The following BRWD1 variants were observed in gnomAD, a reference collection of about 807,000 sequenced individuals.
BRWD1 encodes the protein bromodomain and WD repeat-containing protein 1.
A neutral mutation model predicts 251.2 loss-of-function variants in BRWD1; 82 were observed. The observed-to-expected ratio is 0.33, with a 90% CI of 0.27 to 0.39. The LOEUF (loss-of-function observed/expected upper bound fraction) is 0.39, where lower values mean the gene tolerates loss of function less well. BRWD1 is among the 10% of genes least tolerant of loss of function. BRWD1 has a pLI of 1.00. For missense variants in BRWD1, 2,233 were observed against 2,711.6 expected (o/e 0.82, Z 3.92); for synonymous variants, 918 against 902.8 (o/e 1.02, Z -0.30).
intron 34 of BRWD1, 47 bp from the exon 35 acceptor site, chr21:39,210,976 A>C (rs770527928): frequency 2.6e-6 from 4 of 1,551,672 alleles, no homozygotes; most frequent in Middle Eastern, 1.8e-4. Flanking sequence ...TATTGGTGTA[A>C]GACTGTGGTA....
intron 4 of BRWD1, among the ~76,000 whole-genome samples, chr21:39,306,072 C>CTTT (rs1294724280): frequency 9.5e-5 from 13 of 136,446 alleles, no homozygotes; most frequent in African/African-American, 3.0e-4. Context: ...CTTTAAGTAT[C>CTTT]TTTTTTTTTT....
chr21:39,263,239 C>T (rs2034813122), intron 17 of BRWD1, among the ~76,000 whole-genome samples: 1 of 152,154 alleles, frequency 6.6e-6, no homozygotes, highest in African/African-American at 2.4e-5. Flanking sequence ...TAGGTTTTTA[C>T]TTTATATATA....
chr21:39,253,125 A>G (rs1288922733), intron 19 of BRWD1, among the ~76,000 whole-genome samples: 3 of 152,002 alleles, frequency 2.0e-5, no homozygotes, highest in Non-Finnish European at 2.9e-5. Context: ...CCCCATCTCT[A>G]CTGAAAATAC....
Position 39,187,736 on chromosome 21 carries a change from T to C in BRWD1, c.*8523A>G. 1 of 984,836 alleles carries C rather than the reference T, an allele frequency of 1.0e-6. No homozygotes were observed. Among genetic ancestry groups the C allele is most frequent in the Non-Finnish European group, 1.2e-6 (1 of 829,388 alleles). 61.0% of individuals were successfully genotyped at this position (984,836 alleles called of 1,614,324 possible). A position where few individuals can be genotyped will look rare whatever the true frequency, so the allele number is the denominator to read the frequency against. On this transcript the variant is annotated 3_prime_UTR_variant, in exon 41 of 41. Coordinates refer to ENST00000342449, the MANE Select transcript of BRWD1 (RefSeq NM_033656.4). ...GAGCATTTTACATAATTTGAATTAC[T>C]AAATCTTAACTTCATTGTTCCAGTA...
At chr21:39,308,204 T>C (rs1311591510) in intron 4 of BRWD1, among the ~76,000 whole-genome samples, 1 of 152,106 alleles carries the variant, frequency 6.6e-6, no homozygotes, top group Non-Finnish European at 1.5e-5. Flanking sequence ...AAAGTAGGCC[T>C]GGCAAGGTGA....
chr21:39,246,222 A>C (rs73359510), intron 21 of BRWD1, among the ~76,000 whole-genome samples: 2,792 of 152,242 alleles, frequency 0.018, 81 homozygotes, highest in African/African-American at 0.064. Flanking sequence ...AAGACCCCCC[A>C]AAAAAAGTGA....
chr21:39,269,096 T>C (rs978444916), intron 15 of BRWD1, among the ~76,000 whole-genome samples: 3 of 152,122 alleles, frequency 2.0e-5, no homozygotes, highest in Non-Finnish European at 4.4e-5. Flanking sequence ...AAAATATATC[T>C]AAAAAGATGT....
At chr21:39,313,209 A>AAGTCCGCAGCCGCCC in intron 2 of BRWD1, 32 bp downstream of exon 2, 3 of 1,523,308 alleles carry the variant, frequency 2.0e-6, no homozygotes, top group Non-Finnish European at 2.7e-6. Flanking sequence ...TGGGGACGCC[A>AAGTCCGCAGCCGCCC]AGTCCGCAGC....
rs1310910477 is a variant in BRWD1, at chr21:39,194,439, G to C, written c.*1820C>G. ...CATTAGTCTTTTCAGTCTTAGTCAA[G>C]GACAATTATCATGAATCAATCTGTT... On this transcript the variant is annotated 3_prime_UTR_variant, in exon 41 of 41. Transcript: ENST00000342449. 1 of 1,293,900 alleles carries C rather than the reference G, an allele frequency of 7.7e-7. No homozygotes were observed. Among genetic ancestry groups the C allele is most frequent in the African/African-American group, 1.5e-5 (1 of 65,832 alleles). The allele number at this position is 1,293,900 out of a possible 1,614,324, so 80.2% of individuals were successfully genotyped here.
At chr21:39,311,193 G>C (rs968198290) in intron 4 of BRWD1, among the ~76,000 whole-genome samples, 2 of 151,698 alleles carry the variant, frequency 1.3e-5, no homozygotes, top group Non-Finnish European at 2.9e-5. Flanking sequence ...AAAGAAACTA[G>C]GCCTTGCTCC....
chr21:39,252,992 T>C (rs1162049596), intron 19 of BRWD1, among the ~76,000 whole-genome samples: 1 of 152,176 alleles, frequency 6.6e-6, no homozygotes, highest in Non-Finnish European at 1.5e-5. Flanking sequence ...GCGGTGACCT[T>C]AAGACTAGAA....
In BRWD1 at chr21:39,206,095, A is replaced by T; in HGVS notation, c.4364+13T>A. ...AATAAATAAATAAAGCAAGCTTGCC[A>T]TAACCAGTTTACCTGATACTTTTGT... On this transcript the variant is annotated intron_variant, in intron 37 of 40. Transcript: ENST00000342449. 6.3e-7 allele frequency: 1 copy of T among 1,595,316 alleles called. No homozygotes were observed. Among genetic ancestry groups the T allele is most frequent in the Non-Finnish European group, 8.5e-7 (1 of 1,172,594 alleles).
intron 8 of BRWD1, among the ~76,000 whole-genome samples, chr21:39,287,215 C>T (rs1275690702): frequency 6.6e-6 from 1 of 152,196 alleles, no homozygotes; most frequent in African/African-American, 2.4e-5. Context: ...GCTTTTTTCT[C>T]TCCTAAATCT....
rs1228253920 is a variant in BRWD1 at position 39,206,271 on chromosome 21, A to C, written c.4201T>G (p.Tyr1401Asp). Residue 1401 changes from tyrosine to aspartate, a missense_variant, in exon 37 of 41, where the codon TAT becomes GAT. By Grantham distance (160) the Tyr-to-Asp change is radical. Transcript: ENST00000342449. ...AYTPNKRSKIYSMTLRLSALF... is the reference protein window; with the variant it reads ...AYTPNKRSKIDSMTLRLSALF... ...GCAGATAATCTCAAGGTCATACTAT[A>C]AATCTGCAAGGATATAAAAACAAAG... is the stretch of plus-strand genomic sequence containing the variant. 6.4e-7 allele frequency: 1 copy of C among 1,569,104 alleles called. No individual in the cohort carries two copies. The highest frequency in any genetic ancestry group is 8.7e-7 in the Non-Finnish European group (1 of 1,151,172).
intron 9 of BRWD1, among the ~76,000 whole-genome samples, chr21:39,279,489 A>AG (rs397720712): frequency 6.6e-6 from 1 of 150,402 alleles, no homozygotes; most frequent in Non-Finnish European, 1.5e-5. Context: ...AAATACAAAA[A>AG]TTAGCTGGAC....
rs1601205311 is a variant in BRWD1 at position 39,186,385 on chromosome 21, T to A, written c.*9874A>T. ...ATAAACAAAATGACATCAATGGACT[T>A]TCTCTAATTGCCTATTTCCAACACT... On this transcript the variant is annotated 3_prime_UTR_variant, in exon 41 of 41. Coordinates refer to ENST00000342449, the MANE Select transcript of BRWD1 (RefSeq NM_033656.4). The A allele has an allele frequency of 2.0e-5, 3 of 152,196 alleles. No individual in the cohort carries two copies. The highest frequency in any genetic ancestry group is 2.0e-4 in the Admixed American group (3 of 15,274). 9.4% of individuals were successfully genotyped at this position (152,196 alleles called of 1,614,324 possible).
intron 17 of BRWD1, among the ~76,000 whole-genome samples, chr21:39,263,131 T>C (rs1301221714): frequency 6.6e-6 from 1 of 152,140 alleles, no homozygotes; most frequent in Non-Finnish European, 1.5e-5. Context: ...TACACTTGAA[T>C]TGTACACTTA....
chr21:39,228,852 T>C lies in BRWD1; in HGVS notation c.3126-270A>G, dbSNP rs149180381. The stretch of plus-strand genomic sequence containing the variant: ...ATGCAGTGTGTACATTCACAACACA[T>C]TCATTTCTTTAAAAAAAAATGTTTA... On this transcript the variant is annotated intron_variant, in intron 26 of 40. Coordinates refer to ENST00000342449, the MANE Select transcript of BRWD1 (RefSeq NM_033656.4). Among the ~76,000 whole-genome samples, 336 of 152,274 alleles carry C rather than the reference T, an allele frequency of 2.2e-3. 1 individual carries two copies. The highest frequency in any genetic ancestry group is 7.7e-3 in the African/African-American group (318 of 41,558).
intron 4 of BRWD1, among the ~76,000 whole-genome samples, chr21:39,305,819 GC>G: frequency 6.7e-6 from 1 of 149,772 alleles, no homozygotes; most frequent in East Asian, 2.0e-4. Context: ...AGCCAAGACT[GC>G]GCCACTGCAC....
Sources: gnomAD v4.1 joint callset for allele counts (sites outside exome capture counted in the v4.1 genomes callset) on GRCh38, gnomAD v4.1.1 for gene constraint, MANE v1.5 for transcripts, NCBI Gene and HGNC (gene_info 2026-07-23, HGNC 2026-07-21) for gene names.